The following ATRNL1 variants were observed in gnomAD, a reference collection of about 807,000 sequenced individuals.
The protein encoded by ATRNL1 is attractin like 1.
In ATRNL1, 95 loss-of-function variants were observed where a neutral mutation model predicts 182.7. The observed-to-expected ratio is 0.52, with a 90% CI of 0.44 to 0.62. The LOEUF (loss-of-function observed/expected upper bound fraction) is 0.62, where lower values mean the gene tolerates loss of function less well. Among genes scored for constraint, ATRNL1 ranks in the 20% least tolerant of loss-of-function variants. The probability of loss-of-function intolerance (pLI) is 0.00; values close to 1 mark genes in which losing one functional copy is unlikely to be tolerated. For synonymous variants in ATRNL1, 576 were observed against 568.3 expected, an observed-to-expected ratio of 1.01 and a Z score of -0.19; for missense variants, 1,471 against 1,679.5, an observed-to-expected ratio of 0.88 and a Z score of 2.17.
At chr10:115,307,846 A>G (rs1853810414) in intron 17 of ATRNL1, among the ~76,000 whole-genome samples, 1 of 152,182 alleles carries the variant, frequency 6.6e-6, no homozygotes, top group Non-Finnish European at 1.5e-5. Flanking sequence ...ACTCTTTCAT[A>G]GGTGTCAGCT....
chr10:115,928,727 C>CTTCT, intron 28 of ATRNL1, among the ~76,000 whole-genome samples: 1 of 151,892 alleles, frequency 6.6e-6, no homozygotes, highest in Admixed American at 6.6e-5. Context: ...AAGTATTTTG[C>CTTCT]TTCTGTTCAT....
At chr10:115,129,210 C>A (rs1554874368) in intron 4 of ATRNL1, 117 bp from the exon 5 acceptor site, 4 of 680,424 alleles carry the variant, frequency 5.9e-6, no homozygotes, top group African/African-American at 5.4e-5. Flanking sequence ...TTGTGAAATT[C>A]TGTTACATTT....
intron 28 of ATRNL1, among the ~76,000 whole-genome samples, chr10:115,888,207 C>T (rs1190687164): frequency 6.6e-6 from 1 of 152,196 alleles, no homozygotes; most frequent in Non-Finnish European, 1.5e-5. Context: ...TAGATTGTAG[C>T]TCAATCATTT....
At chr10:115,266,033 A>C (rs1554910582) in intron 11 of ATRNL1, among the ~76,000 whole-genome samples, 2 of 151,874 alleles carry the variant, frequency 1.3e-5, no homozygotes. Flanking sequence ...ACAGTAATAC[A>C]TGAAAACTGT....
intron 26 of ATRNL1, among the ~76,000 whole-genome samples, chr10:115,695,419 A>G (rs1312116204): frequency 6.6e-6 from 1 of 152,022 alleles, no homozygotes; most frequent in Non-Finnish European, 1.5e-5. Context: ...CTTTTTTTTG[A>G]AAGATGGAAG....
At chr10:115,320,850 C>A (rs12764552) in intron 18 of ATRNL1, among the ~76,000 whole-genome samples, 47,271 of 151,998 alleles carry the variant, frequency 0.31, 8,547 homozygotes, top group Middle Eastern at 0.45. Flanking sequence ...TTATTACCCA[C>A]CTTCTGAAGC....
At chr10:115,299,359 G>A (rs1234058369) in intron 15 of ATRNL1, among the ~76,000 whole-genome samples, 1 of 151,918 alleles carries the variant, frequency 6.6e-6, no homozygotes, top group East Asian at 1.9e-4. Context: ...GAATAGTTAT[G>A]TAGTATTTGT....
intron 28 of ATRNL1, among the ~76,000 whole-genome samples, chr10:115,868,554 C>CTGAA (rs1467215929): frequency 9.2e-5 from 14 of 152,232 alleles, no homozygotes; most frequent in African/African-American, 2.9e-4. Context: ...CAATGCTTCA[C>CTGAA]TGAATGAATG....
At chr10:115,255,930 G>C (rs1554906749) in intron 10 of ATRNL1, among the ~76,000 whole-genome samples, 2 of 152,104 alleles carry the variant, frequency 1.3e-5, no homozygotes, top group Admixed American at 6.6e-5. Flanking sequence ...TTTATGTTAT[G>C]GATTATGTTT....
At chr10:115,710,389 C>A (rs1305070422) in intron 26 of ATRNL1, among the ~76,000 whole-genome samples, 1 of 152,034 alleles carries the variant, frequency 6.6e-6, no homozygotes, top group Non-Finnish European at 1.5e-5. Flanking sequence ...AAAAGATCTC[C>A]CTTGAGCTGA....
At chr10:115,224,348 G>A (rs1270374650) in intron 9 of ATRNL1, among the ~76,000 whole-genome samples, 2 of 151,936 alleles carry the variant, frequency 1.3e-5, no homozygotes, top group Non-Finnish European at 2.9e-5. Context: ...AGATCTAAAT[G>A]CATTTATTAG....
intron 27 of ATRNL1, among the ~76,000 whole-genome samples, chr10:115,828,635 T>G (rs1444952632): frequency 6.6e-6 from 1 of 152,206 alleles, no homozygotes; most frequent in Non-Finnish European, 1.5e-5. Flanking sequence ...ATGTTTTACA[T>G]TCAGTATTAT....
intron 8 of ATRNL1, among the ~76,000 whole-genome samples, chr10:115,172,452 G>A (rs1249255988): frequency 6.6e-6 from 1 of 151,866 alleles, no homozygotes; most frequent in African/African-American, 2.4e-5. Flanking sequence ...TTTTTATGTT[G>A]TAAATATGCA....
intron 28 of ATRNL1, among the ~76,000 whole-genome samples, chr10:115,849,430 T>C (rs1485761359): frequency 6.6e-6 from 1 of 151,964 alleles, no homozygotes; most frequent in East Asian, 1.9e-4. Context: ...TACACCAAGG[T>C]TTTTCTCGAT....
At chr10:115,111,804 A>T (rs1325525297) in intron 1 of ATRNL1, among the ~76,000 whole-genome samples, 3 of 152,166 alleles carry the variant, frequency 2.0e-5, no homozygotes, top group African/African-American at 7.2e-5. Context: ...AATATCAACT[A>T]TATCAATACT....
intron 27 of ATRNL1, among the ~76,000 whole-genome samples, chr10:115,810,107 A>G (rs1207884613): frequency 6.6e-6 from 1 of 151,842 alleles, no homozygotes; most frequent in Admixed American, 6.6e-5. Context: ...TGTTTTTCCA[A>G]TGTCAAATTG....
intron 9 of ATRNL1, among the ~76,000 whole-genome samples, chr10:115,219,297 G>A (rs1849354063): frequency 6.6e-6 from 1 of 151,864 alleles, no homozygotes; most frequent in Non-Finnish European, 1.5e-5. Context: ...TCACAGAGCT[G>A]TGTGAACAGA....
intron 26 of ATRNL1, among the ~76,000 whole-genome samples, chr10:115,626,338 A>G (rs2249822): frequency 0.97 from 147,520 of 152,280 alleles, 71,654 homozygotes; most frequent in East Asian, 1. Context: ...GGCCAAATCA[A>G]CATAGGTTCA....
At chr10:115,535,938 C>A (rs188555394) in intron 25 of ATRNL1, among the ~76,000 whole-genome samples, 1 of 151,658 alleles carries the variant, frequency 6.6e-6, no homozygotes, top group Non-Finnish European at 1.5e-5. Context: ...TCGTGAACCA[C>A]GAATGCTGCT....
Sources: allele counts gnomAD v4.1 joint callset (sites outside exome capture counted in the v4.1 genomes callset), GRCh38; gene constraint gnomAD v4.1.1; transcripts MANE v1.5; gene names NCBI Gene and HGNC (gene_info 2026-07-23, HGNC 2026-07-21).